Variants in PLSCR4 observed in about 807,000 individuals in gnomAD.
The protein encoded by PLSCR4 is phospholipid scramblase 4, also known as Ca(2+)-dependent phospholipid scramblase 4.
Under a neutral mutation model 36.3 loss-of-function variants are expected in PLSCR4, and 25 were observed. The ratio of observed to expected loss-of-function variants is 0.69; its 90% CI spans 0.50 to 0.96. The LOEUF (loss-of-function observed/expected upper bound fraction) is 0.96. Ranked by LOEUF, PLSCR4 falls within the 40% of genes least tolerant of loss-of-function variation. PLSCR4 has a pLI of 0.00. For synonymous variants in PLSCR4, 122 were observed against 132.9 expected (o/e 0.92, Z 0.56); for missense variants, 408 against 414.7 (o/e 0.98, Z 0.14).
intron 1 of PLSCR4, among the ~76,000 whole-genome samples, chr3:146,229,103 T>C (rs1576484688): frequency 6.6e-6 from 1 of 152,336 alleles, no homozygotes; most frequent in African/African-American, 2.4e-5. Flanking sequence ...TAACTTAGTA[T>C]TGCATAATAG....
intron 3 of PLSCR4, among the ~76,000 whole-genome samples, chr3:146,218,013 A>G (rs3804655): frequency 0.047 from 7,193 of 152,210 alleles, 199 homozygotes; most frequent in South Asian, 0.072. Context: ...GAGTAGACCA[A>G]ATAATTTTGA....
intron 1 of PLSCR4, among the ~76,000 whole-genome samples, chr3:146,241,166 T>G (rs1355652905): frequency 6.6e-6 from 1 of 152,214 alleles, no homozygotes; most frequent in Non-Finnish European, 1.5e-5. Flanking sequence ...AGTAGATTTG[T>G]GGCTTCAAGA....
chr3:146,221,832 A>T (rs2035156840), intron 2 of PLSCR4, among the ~76,000 whole-genome samples: 1 of 152,106 alleles, frequency 6.6e-6, no homozygotes, highest in African/African-American at 2.4e-5. Context: ...TATTCAGTAG[A>T]TATGTGTCCC....
At chr3:146,240,026 TAAA>T (rs2036083371) in intron 1 of PLSCR4, among the ~76,000 whole-genome samples, 1 of 151,888 alleles carries the variant, frequency 6.6e-6, no homozygotes, top group Non-Finnish European at 1.5e-5. Context: ...CAAAAATAAA[TAAA>T]TAAATAAATT....
intron 5 of PLSCR4, among the ~76,000 whole-genome samples, 159 bp downstream of exon 5, chr3:146,200,876 T>G (rs1054043505): frequency 3.3e-5 from 5 of 152,074 alleles, no homozygotes; most frequent in Non-Finnish European, 5.9e-5. Context: ...TTATACAAAA[T>G]AATTCACTTT....
At chr3:146,238,014 C>G (rs2035989155) in intron 1 of PLSCR4, among the ~76,000 whole-genome samples, 1 of 151,612 alleles carries the variant, frequency 6.6e-6, no homozygotes, top group Admixed American at 6.6e-5. Context: ...CATATTAATA[C>G]TAACCTTACA....
At chr3:146,224,934 C>T (rs2035377853) in intron 1 of PLSCR4, among the ~76,000 whole-genome samples, 1 of 151,096 alleles carries the variant, frequency 6.6e-6, no homozygotes, top group African/African-American at 2.4e-5. Context: ...AAAGGTTCTC[C>T]AAGGCCCCAC....
intron 3 of PLSCR4, among the ~76,000 whole-genome samples, chr3:146,207,300 C>G (rs1018678655): frequency 5.3e-5 from 8 of 152,102 alleles, no homozygotes; most frequent in African/African-American, 1.9e-4. Flanking sequence ...TCATCGAGTT[C>G]TCAGACTGGT....
chr3:146,229,143 C>T (rs1477862153), intron 1 of PLSCR4, among the ~76,000 whole-genome samples: 3 of 152,036 alleles, frequency 2.0e-5, no homozygotes, highest in Admixed American at 6.6e-5. Context: ...CCCTGGGTTC[C>T]GGGAAAGCAA....
At chr3:146,234,760 T>A (rs1250123603) in intron 1 of PLSCR4, among the ~76,000 whole-genome samples, 3 of 152,164 alleles carry the variant, frequency 2.0e-5, no homozygotes, top group Non-Finnish European at 4.4e-5. Context: ...CCTCAGCTAA[T>A]CCAGGAGAAA....
rs1317474244 is a variant in PLSCR4 at position 146,247,152 on chromosome 3, GACA to G, written c.-22+3805_-22+3807del. On this transcript the variant is annotated intron_variant, in intron 1 of 8. Coordinates refer to ENST00000354952, the MANE Select transcript of PLSCR4 (RefSeq NM_020353.3). ...TAATGTATTTAACTGGCTGCCTAAT[GACA>G]ACAAGTTAAATCGTTTCCAAATTTA... Among the ~76,000 whole-genome samples, 3 of 152,108 alleles carry G rather than the reference GACA, an allele frequency of 2.0e-5. No homozygotes were observed. The East Asian group carries it at 5.8e-4, about 29-fold the overall frequency.
At chr3:146,236,150 A>G (rs2035906152) in intron 1 of PLSCR4, among the ~76,000 whole-genome samples, 3 of 152,320 alleles carry the variant, frequency 2.0e-5, no homozygotes, top group African/African-American at 7.2e-5. Flanking sequence ...TTTCATAACT[A>G]GAAGGAAGGA....
intron 1 of PLSCR4, among the ~76,000 whole-genome samples, chr3:146,236,203 C>T (rs539187751): frequency 2.0e-5 from 3 of 152,064 alleles, no homozygotes; most frequent in Admixed American, 6.6e-5. Context: ...GCCTTGAAGG[C>T]ATCTCAGAGA....
At chr3:146,235,976 CT>C (rs1171400821) in intron 1 of PLSCR4, among the ~76,000 whole-genome samples, 1 of 151,930 alleles carries the variant, frequency 6.6e-6, no homozygotes, top group Non-Finnish European at 1.5e-5. Flanking sequence ...GGCCTGGCTG[CT>C]TCTAATAACC....
At position 146,201,095 on chromosome 3, in the gene PLSCR4, A is replaced by G. The variant is rs1193595835; in HGVS notation, c.355-18T>C. On this transcript the variant is annotated intron_variant, in intron 4 of 8. Coordinates refer to ENST00000354952, the MANE Select transcript of PLSCR4 (RefSeq NM_020353.3). ...TTGTCCAACTGTTGGGATAAAACAA[A>G]GCAATCAGAAGACAGAAATAACAGA... 3 of 1,501,216 alleles carry G rather than the reference A, an allele frequency of 2.0e-6. No homozygotes were observed. Among genetic ancestry groups the G allele is most frequent in the Non-Finnish European group, 2.7e-6 (3 of 1,123,044 alleles). The allele number at this position is 1,501,216 out of a possible 1,614,324, so 93.0% of individuals were successfully genotyped here. A position where few individuals can be genotyped will look rare whatever the true frequency, so the allele number is the denominator to read the frequency against.
At chr3:146,219,749 T>G (rs62272407) in intron 3 of PLSCR4, among the ~76,000 whole-genome samples, 4 of 151,730 alleles carry the variant, frequency 2.6e-5, no homozygotes, top group Admixed American at 6.6e-5. Flanking sequence ...AAACCTTGTC[T>G]CTACAAACAA....
At chr3:146,225,782 G>A (rs997150477) in intron 1 of PLSCR4, among the ~76,000 whole-genome samples, 22 of 152,174 alleles carry the variant, frequency 1.4e-4, no homozygotes, top group Admixed American at 8.5e-4. Flanking sequence ...CGCAAGCGCC[G>A]CACGCGGTTG....
intron 4 of PLSCR4, among the ~76,000 whole-genome samples, chr3:146,201,724 C>T (rs957503675): frequency 2.0e-5 from 3 of 152,016 alleles, no homozygotes; most frequent in Non-Finnish European, 4.4e-5. Context: ...AGAAAGGAAA[C>T]ATTGTTAGAT....
chr3:146,197,390 A>G (rs1232909055), intron 6 of PLSCR4, among the ~76,000 whole-genome samples: 1 of 152,154 alleles, frequency 6.6e-6, no homozygotes, highest in East Asian at 1.9e-4. Context: ...CTGTGCTGTA[A>G]AACGGTCCTC....
Sources: allele counts gnomAD v4.1 joint callset (sites outside exome capture counted in the v4.1 genomes callset), GRCh38; gene constraint gnomAD v4.1.1; transcripts MANE v1.5; gene names NCBI Gene and HGNC (gene_info 2026-07-23, HGNC 2026-07-21).